The following OSBP2 variants were observed in gnomAD, a reference collection of about 807,000 sequenced individuals.
OSBP2 encodes the protein oxysterol binding protein 2, also known as oxysterol-binding protein 2.
Under a neutral mutation model 96.0 loss-of-function variants are expected in OSBP2, and 66 were observed. That is an observed-to-expected ratio of 0.69 (90% CI 0.56 to 0.84). OSBP2 has a LOEUF of 0.84. OSBP2 is among the 40% of genes least tolerant of loss of function. The pLI is 0.00. For missense variants in OSBP2, 1,038 were observed against 1,222.7 expected (o/e 0.85, Z 2.25); for synonymous variants, 525 against 520.9 (o/e 1.01, Z -0.11).
At chr22:30,903,041 T>TAAA (rs2040250929) in intron 12 of OSBP2, among the ~76,000 whole-genome samples, 1 of 152,172 alleles carries the variant, frequency 6.6e-6, no homozygotes, top group Non-Finnish European at 1.5e-5. Context: ...TCTGTCCTTT[T>TAAA]CCTCCCAGCT....
chr22:30,862,612 G>A (rs1299771132), intron 2 of OSBP2, among the ~76,000 whole-genome samples: 1 of 152,076 alleles, frequency 6.6e-6, no homozygotes, highest in African/African-American at 2.4e-5. Context: ...CCTGGGAGGT[G>A]GAGGTTGCAG....
Position 30,893,481 on chromosome 22 carries a change from T to G in OSBP2, c.2009T>G (p.Phe670Cys). The G allele has an allele frequency of 6.2e-7, 1 of 1,614,034 alleles. No homozygotes were observed. The highest frequency in any genetic ancestry group is 8.5e-7 in the Non-Finnish European group (1 of 1,179,916). ...CCTCCAGGTGCCATCCACTTAGAATTCCAGGCCAGTGGGAATCACTACGTG... is the reference window on the plus strand; with the variant it reads ...CCTCCAGGTGCCATCCACTTAGAATGCCAGGCCAGTGGGAATCACTACGTG... ...IMPLGAIHLE[F>C]QASGNHYVWR... The change falls in exon 10 of 14, where the codon TTC becomes TGC. Residue 670 changes from phenylalanine (F) to cysteine (C), a missense_variant. This residue lies in a region of OSBP2 where 737 missense variants were observed against 913.3 expected (regional missense o/e 0.81). Transcript: ENST00000332585.
intron 2 of OSBP2, among the ~76,000 whole-genome samples, chr22:30,798,512 A>C (rs189705015): frequency 2.0e-4 from 31 of 152,186 alleles, no homozygotes; most frequent in Non-Finnish European, 4.0e-4. Context: ...AATGTTGTGA[A>C]GCTTTTGCAC....
At chr22:30,704,338 G>A (rs571018934) in intron 1 of OSBP2, among the ~76,000 whole-genome samples, 14 of 152,154 alleles carry the variant, frequency 9.2e-5, no homozygotes, top group Non-Finnish European at 2.1e-4. Flanking sequence ...CTCTCCCAGT[G>A]GAGTCACACA....
At chr22:30,733,656 ACAAGGTTTGGGT>A in intron 1 of OSBP2, among the ~76,000 whole-genome samples, 1 of 152,196 alleles carries the variant, frequency 6.6e-6, no homozygotes, top group Non-Finnish European at 1.5e-5. Context: ...TAGTTGATGT[ACAAGGTTTGGGT>A]CCAATACAAC....
intron 2 of OSBP2, among the ~76,000 whole-genome samples, chr22:30,840,084 A>G (rs1206705153): frequency 7.6e-6 from 1 of 131,634 alleles, no homozygotes; most frequent in African/African-American, 2.8e-5. Context: ...TTTCTTTTTT[A>G]GCATTGGGTG....
chr22:30,737,991 C>T lies in OSBP2; in HGVS notation c.645-3170C>T, dbSNP rs530314482. 2.0e-3 allele frequency among the ~76,000 whole-genome samples: 303 copies of T among 152,040 alleles called. 1 individual carries two copies. Among genetic ancestry groups the T allele is most frequent in the African/African-American group, 7.1e-3 (293 of 41,482 alleles). On this transcript the variant is annotated intron_variant, in intron 1 of 13. Transcript: ENST00000332585. ...CCTCCCAAAGTGCTGGGATTACAGG[C>T]GTGAGCCACCGTGCACGGCTGAGAC...
At chr22:30,700,270 A>G (rs1231282650) in intron 1 of OSBP2, among the ~76,000 whole-genome samples, 2 of 151,844 alleles carry the variant, frequency 1.3e-5, no homozygotes, top group African/African-American at 2.4e-5. Context: ...GGCCTAGAAG[A>G]CAAGATTCTT....
At chr22:30,700,490 A>G (rs965868613) in intron 1 of OSBP2, among the ~76,000 whole-genome samples, 7 of 152,116 alleles carry the variant, frequency 4.6e-5, no homozygotes, top group Admixed American at 6.6e-5. Flanking sequence ...TTTCAAATGT[A>G]TTGTCATCAG....
At chr22:30,894,326 G>C in intron 12 of OSBP2, 1 of 256,540 alleles carries the variant, frequency 3.9e-6, no homozygotes, top group Non-Finnish European at 7.4e-6. Flanking sequence ...AGTCCAAAGA[G>C]AACAAATAGA....
intron 2 of OSBP2, among the ~76,000 whole-genome samples, chr22:30,749,899 C>G (rs929430696): frequency 2.6e-5 from 4 of 151,660 alleles, no homozygotes; most frequent in African/African-American, 9.7e-5. Flanking sequence ...TGAGCCACCG[C>G]GCCTGGCCAC....
At chr22:30,739,196 C>G (rs1253396396) in intron 1 of OSBP2, among the ~76,000 whole-genome samples, 1 of 152,294 alleles carries the variant, frequency 6.6e-6, no homozygotes, top group East Asian at 1.9e-4. Context: ...ACCTACCCTC[C>G]CCTTATTTTG....
intron 2 of OSBP2, among the ~76,000 whole-genome samples, chr22:30,749,594 C>G (rs910582422): frequency 6.6e-6 from 1 of 152,036 alleles, no homozygotes; most frequent in Admixed American, 6.6e-5. Flanking sequence ...AAGCCACAGA[C>G]TCGTTTCTAA....
At chr22:30,701,319 TTTTTTTC>T (rs1160689770) in intron 1 of OSBP2, among the ~76,000 whole-genome samples, 1 of 151,514 alleles carries the variant, frequency 6.6e-6, no homozygotes, top group African/African-American at 2.4e-5. Flanking sequence ...TGTCAATTTC[TTTTTTTC>T]TTTTTTCTTT....
At chr22:30,720,055 A>C (rs929683111) in intron 1 of OSBP2, among the ~76,000 whole-genome samples, 3 of 152,200 alleles carry the variant, frequency 2.0e-5, no homozygotes, top group Non-Finnish European at 2.9e-5. Flanking sequence ...TTGAGCTGAG[A>C]TAGGTTTCCG....
intron 1 of OSBP2, among the ~76,000 whole-genome samples, chr22:30,705,520 C>T (rs143422656): frequency 4.6e-5 from 7 of 152,124 alleles, no homozygotes; most frequent in East Asian, 1.9e-4. Flanking sequence ...CTCGAACTCC[C>T]GACTTCACAT....
intron 3 of OSBP2, among the ~76,000 whole-genome samples, chr22:30,885,143 CTGGTGTGCCCAT>C (rs1194323838): frequency 2.6e-5 from 4 of 152,214 alleles, no homozygotes; most frequent in Non-Finnish European, 5.9e-5. Context: ...CAGGTGAGGA[CTGGTGTGCCCAT>C]CTTCCTCCTT....
intron 12 of OSBP2, chr22:30,902,776 G>GAATGAGCC: frequency 2.3e-6 from 1 of 429,622 alleles, no homozygotes; most frequent in Non-Finnish European, 4.6e-6. Flanking sequence ...CAAGGAGCAA[G>GAATGAGCC]AATGAGCCTG....
At chr22:30,733,735 A>G (rs2089813513) in intron 1 of OSBP2, among the ~76,000 whole-genome samples, 1 of 152,168 alleles carries the variant, frequency 6.6e-6, no homozygotes, top group Non-Finnish European at 1.5e-5. Context: ...TGCATTAACT[A>G]CTACAGGCTT....
Sources: allele counts gnomAD v4.1 joint callset (sites outside exome capture counted in the v4.1 genomes callset), GRCh38; gene constraint gnomAD v4.1.1; regional missense constraint gnomAD v4.1.1; transcripts MANE v1.5; gene names NCBI Gene and HGNC (gene_info 2026-07-23, HGNC 2026-07-21).